Variants in SHPRH observed in about 807,000 individuals in gnomAD.
SHPRH encodes SNF2 histone linker PHD RING helicase.
Under a neutral mutation model 202.5 loss-of-function variants are expected in SHPRH, and 106 were observed. The observed-to-expected ratio is 0.52, with a 90% CI of 0.45 to 0.62. The LOEUF (loss-of-function observed/expected upper bound fraction) is 0.62. Ranked by LOEUF, SHPRH falls within the 20% of genes least tolerant of loss-of-function variation. The probability of loss-of-function intolerance (pLI) is 0.00; values close to 1 mark genes in which losing one functional copy is unlikely to be tolerated. For missense variants in SHPRH, 1,710 were observed against 2,020.0 expected, an observed-to-expected ratio of 0.85 and a Z score of 2.94; for synonymous variants, 729 against 686.0, an observed-to-expected ratio of 1.06 and a Z score of -0.98.
chr6:145,943,808 A>G lies in SHPRH; in HGVS notation c.1579-6T>C, dbSNP rs757697855. ...TTCCTTGGACTCCCTACTGCCTATGAAAAAAATATTTAATTAATTGATTGC... is the reference window on the plus strand; with the variant it reads ...TTCCTTGGACTCCCTACTGCCTATGGAAAAAATATTTAATTAATTGATTGC... On this transcript the variant is annotated splice_polypyrimidine_tract_variant and splice_region_variant and intron_variant, in intron 8 of 29. Transcript: ENST00000275233. 1 of 1,549,644 alleles carries G rather than the reference A, an allele frequency of 6.5e-7. No homozygotes were observed. Among genetic ancestry groups the G allele is most frequent in the Non-Finnish European group, 8.7e-7 (1 of 1,155,426 alleles).
At position 145,950,324 on chromosome 6, in the gene SHPRH, G is replaced by C. The variant is rs1340278018; in HGVS notation, c.922C>G (p.Gln308Glu). The C allele has an allele frequency of 6.2e-7, 1 of 1,613,096 alleles. No homozygotes were observed. Among genetic ancestry groups the C allele is most frequent in the Admixed American group, 1.7e-5 (1 of 59,906 alleles). The change falls in exon 4 of 30, where the codon CAA (glutamine) becomes GAA (glutamate). Residue 308 changes from glutamine to glutamate, a missense_variant. Physicochemically the swap from Gln to Glu is conservative, Grantham distance 29. Around this residue, in one of 8 missense-constraint regions of SHPRH, gnomAD observed 459 missense variants for 426.5 expected, o/e 1.08. Transcript: ENST00000275233. ...AGCATCCAATTGACAGCCTCTCTTT[G>C]GTAGGGTCTCAACACAGGGATCAAT... ...PALIPVLRPY[Q>E]REAVNWMLQQ...
intron 24 of SHPRH, among the ~76,000 whole-genome samples, chr6:145,912,083 G>T (rs73580180): frequency 0.027 from 4,026 of 151,268 alleles, 184 homozygotes; most frequent in African/African-American, 0.093. Flanking sequence ...ATGTGCAATG[G>T]AGAAGAAGCA....
intron 9 of SHPRH, 24 bp downstream of exon 9, chr6:145,943,117 TCC>T (rs1786973230): frequency 6.5e-7 from 1 of 1,530,748 alleles, no homozygotes; most frequent in South Asian, 1.3e-5. Context: ...CATTTTCCTC[TCC>T]CTCTTTAGTC....
At chr6:145,884,416 G>A (rs1040989600), downstream of SHPRH, 3 of 152,122 alleles carry the variant, frequency 2.0e-5, no homozygotes, top group African/African-American at 7.2e-5. Flanking sequence ...CTGGAATCAT[G>A]TTACAGAAAA....
At chr6:145,893,450 T>C (rs1310172294) in intron 27 of SHPRH, 57 bp from the exon 28 acceptor site, 4 of 1,449,478 alleles carry the variant, frequency 2.8e-6, no homozygotes, top group South Asian at 1.4e-5. Context: ...AAGAGCAGTA[T>C]GTAATAGCTC....
intron 14 of SHPRH, 173 bp from the exon 15 acceptor site, chr6:145,927,450 G>A: frequency 4.0e-6 from 2 of 505,800 alleles, no homozygotes; most frequent in Non-Finnish European, 7.0e-6. Context: ...TTTAAAAAAG[G>A]CTGAGTACAG....
At chr6:145,947,679 A>G (rs774682682) in intron 5 of SHPRH, 36 bp from the exon 6 acceptor site, 9 of 1,604,452 alleles carry the variant, frequency 5.6e-6, no homozygotes, top group Non-Finnish European at 7.7e-6. Flanking sequence ...CATCATAGGA[A>G]TGTGAATACA....
intron 1 of SHPRH, among the ~76,000 whole-genome samples, chr6:145,959,731 G>A (rs1487130034): frequency 1.3e-5 from 2 of 152,328 alleles, no homozygotes; most frequent in East Asian, 3.9e-4. Flanking sequence ...CTATGTATCA[G>A]ACAGTGCTTG....
At chr6:145,918,257 T>A in intron 22 of SHPRH, 25 bp from the exon 23 acceptor site, 1 of 1,406,962 alleles carries the variant, frequency 7.1e-7, no homozygotes, top group Non-Finnish European at 9.5e-7. Flanking sequence ...AATAAAAACT[T>A]CTTTATTCTT....
chr6:145,899,667 G>A (rs576362501), intron 25 of SHPRH, among the ~76,000 whole-genome samples: 3 of 152,108 alleles, frequency 2.0e-5, no homozygotes, highest in Admixed American at 6.6e-5. Context: ...AAATAGGATC[G>A]CATTAAAGTT....
intron 28 of SHPRH, among the ~76,000 whole-genome samples, chr6:145,889,229 G>A (rs1290453691): frequency 6.6e-6 from 1 of 152,120 alleles, no homozygotes; most frequent in Non-Finnish European, 1.5e-5. Flanking sequence ...TCGAAGGGGT[G>A]TAGACAAAGA....
intron 13 of SHPRH, among the ~76,000 whole-genome samples, chr6:145,934,543 T>C (rs1314402228): frequency 6.7e-6 from 1 of 148,748 alleles, no homozygotes; most frequent in Non-Finnish European, 1.5e-5. Flanking sequence ...GCACTTGTAG[T>C]CTTAGCTACT....
intron 12 of SHPRH, 54 bp downstream of exon 12, chr6:145,935,224 A>C: frequency 6.2e-7 from 1 of 1,601,736 alleles, no homozygotes; most frequent in Non-Finnish European, 8.5e-7. Flanking sequence ...TTTCCATCCC[A>C]ATTGTTTCTT....
In SHPRH at chr6:145,954,829, T is replaced by C. The variant is rs149012824; in HGVS notation, c.494A>G (p.Lys165Arg). 3.5e-4 allele frequency: 562 copies of C among 1,613,840 alleles called. 9 individuals are homozygous for C. In the East Asian group the frequency reaches 0.012, roughly 34 times the overall value. ...SKGEDVEKQK[K>R]EPMSICDKGI... Reference sequence around the variant, plus strand: ...CTTGTCACAAATACTCATCGGTTCTTTTTTTTGTTTCTCTACATCTTCACC... The same window carrying C: ...CTTGTCACAAATACTCATCGGTTCTCTTTTTTGTTTCTCTACATCTTCACC... Residue 165 changes from lysine to arginine, a missense_variant, in exon 2 of 30, where the codon AAA becomes AGA. Around this residue, in one of 8 missense-constraint regions of SHPRH, gnomAD observed 459 missense variants for 426.5 expected, o/e 1.08. Coordinates refer to ENST00000275233, the MANE Select transcript of SHPRH (RefSeq NM_001042683.3).
intron 1 of SHPRH, among the ~76,000 whole-genome samples, chr6:145,962,494 G>A (rs1488469478): frequency 2.0e-5 from 3 of 152,182 alleles, no homozygotes; most frequent in Non-Finnish European, 4.4e-5. Flanking sequence ...ATACTAGAAC[G>A]AGGCAGGGAA....
At position 145,927,269 on chromosome 6, in the gene SHPRH, C is replaced by A. The variant is rs377290108; in HGVS notation, c.3121G>T (p.Ala1041Ser). 3.1e-6 allele frequency: 5 copies of A among 1,611,222 alleles called. No individual in the cohort carries two copies. The African/African-American group carries it at 6.7e-5, about 22-fold the overall frequency. ...TCTCTGTACAATTCTGCTGCCAAGG[C>A]ATACTCACCTAAAGAATTAAAATGT... ...AGIHIIKGEYALAAELYREVL... is the reference protein window; with the variant it reads ...AGIHIIKGEYSLAAELYREVL... Residue 1041 changes from alanine (A) to serine (S), a missense_variant, in exon 15 of 30, where the codon GCC (alanine) becomes TCC (serine). Around this residue, in one of 8 missense-constraint regions of SHPRH, gnomAD observed 288 missense variants for 317.8 expected, o/e 0.91. Coordinates refer to ENST00000275233, the MANE Select transcript of SHPRH (RefSeq NM_001042683.3).
chr6:145,924,119 C>G (rs1308188130), intron 17 of SHPRH, among the ~76,000 whole-genome samples: 1 of 151,922 alleles, frequency 6.6e-6, no homozygotes, highest in African/African-American at 2.4e-5. Flanking sequence ...GGTCACAGGT[C>G]TCTTTATCAG....
intron 9 of SHPRH, among the ~76,000 whole-genome samples, chr6:145,942,775 C>G (rs1322157113): frequency 6.6e-6 from 1 of 152,126 alleles, no homozygotes; most frequent in East Asian, 1.9e-4. Flanking sequence ...GATTTTGGAG[C>G]TAAGAGATGG....
At chr6:145,929,714 C>G (rs188395461) in intron 14 of SHPRH, among the ~76,000 whole-genome samples, 8 of 152,018 alleles carry the variant, frequency 5.3e-5, no homozygotes, top group Non-Finnish European at 1.2e-4. Context: ...AAATTGAGGA[C>G]TTTCTAGGGA....
Sources: allele counts gnomAD v4.1 joint callset (sites outside exome capture counted in the v4.1 genomes callset), GRCh38; gene constraint gnomAD v4.1.1; regional missense constraint gnomAD v4.1.1; transcripts MANE v1.5; gene names NCBI Gene and HGNC (gene_info 2026-07-23, HGNC 2026-07-21).